Variants in ABCB10 observed in about 807,000 individuals in gnomAD.
ABCB10 encodes the protein ATP-binding cassette sub-family B member 10, mitochondrial.
Under a neutral mutation model 65.4 loss-of-function variants are expected in ABCB10, and 54 were observed. That is an observed-to-expected ratio of 0.83 (90% CI 0.66 to 1.04). The LOEUF is 1.04. Among genes scored for constraint, ABCB10 ranks in the 50% least tolerant of loss-of-function variants. ABCB10 has a pLI of 0.00. For synonymous variants in ABCB10, 418 were observed against 406.5 expected (o/e 1.03, Z -0.34); for missense variants, 846 against 976.6 (o/e 0.87, Z 1.78).
chr1:229,533,457 T>C (rs1035525890), intron 6 of ABCB10, among the ~76,000 whole-genome samples: 5 of 152,160 alleles, frequency 3.3e-5, no homozygotes, highest in African/African-American at 1.2e-4. Flanking sequence ...CCAAATGCAA[T>C]GGTCTACATC....
chr1:229,529,442 G>C (rs369858892), intron 8 of ABCB10, among the ~76,000 whole-genome samples: 1 of 149,922 alleles, frequency 6.7e-6, no homozygotes, highest in East Asian at 2.0e-4. Flanking sequence ...AGGCCAAGGC[G>C]GGTGGATCAC....
intron 10 of ABCB10, among the ~76,000 whole-genome samples, 157 bp from the exon 11 acceptor site, chr1:229,521,792 A>G (rs1478949233): frequency 2.0e-5 from 3 of 152,242 alleles, no homozygotes; most frequent in Non-Finnish European, 4.4e-5. Context: ...ATAGGTTTAA[A>G]ATATATCAAT....
intron 6 of ABCB10, among the ~76,000 whole-genome samples, chr1:229,538,074 C>T (rs1245159703): frequency 6.6e-6 from 1 of 152,276 alleles, no homozygotes; most frequent in Non-Finnish European, 1.5e-5. Flanking sequence ...GTTAAGAAAG[C>T]CAAATTACCC....
intron 1 of ABCB10, among the ~76,000 whole-genome samples, chr1:229,556,218 C>T (rs949138827): frequency 6.6e-6 from 1 of 152,032 alleles, no homozygotes; most frequent in Non-Finnish European, 1.5e-5. Context: ...TCCAAAAATA[C>T]AAAATTAGCC....
At chr1:229,535,661 T>A (rs1416092864) in intron 6 of ABCB10, among the ~76,000 whole-genome samples, 2 of 152,106 alleles carry the variant, frequency 1.3e-5, no homozygotes, top group Non-Finnish European at 2.9e-5. Flanking sequence ...CCATAGAATG[T>A]ACAACACCAA....
rs200978146 is a variant in ABCB10 at position 229,530,272 on chromosome 1, T to G, written c.1572A>C (p.Ala524=). 2.3e-4 allele frequency: 364 copies of G among 1,614,148 alleles called. No individual in the cohort carries two copies. Among genetic ancestry groups the G allele is most frequent in the Non-Finnish European group, 2.8e-4 (327 of 1,180,026 alleles). ...TGCCAGAACCACTTGGGCCAACCAG[T>G]GCCGTGACAGATCCTGACGGAATGG... ...SLSIPSGSVT[A]LVGPSGSGKS... Residue 524 remains alanine, a synonymous_variant, in exon 8 of 13, where the codon GCA becomes GCC. Coordinates refer to ENST00000344517, the MANE Select transcript of ABCB10 (RefSeq NM_012089.3).
chr1:229,531,561 G>T, intron 7 of ABCB10, 75 bp downstream of exon 7: 1 of 1,415,474 alleles, frequency 7.1e-7, no homozygotes, highest in Non-Finnish European at 9.9e-7. Context: ...CTCCCTTGCA[G>T]ACAGGGGAAG....
intron 4 of ABCB10, 119 bp downstream of exon 4, chr1:229,542,114 TAATG>T: frequency 7.8e-7 from 1 of 1,285,866 alleles, no homozygotes; most frequent in South Asian, 1.7e-5. Flanking sequence ...GGGTAATTTC[TAATG>T]AAAGGAAAGG....
rs139709313 is a variant in ABCB10 at position 229,549,823 on chromosome 1, T to C, written c.518-389A>G. 5.3e-3 allele frequency: 1,120 copies of C among 211,486 alleles called. 5 individuals carry two copies. The highest frequency in any genetic ancestry group is 8.2e-3 in the Non-Finnish European group (841 of 103,122). 13.1% of individuals were successfully genotyped at this position (211,486 alleles called of 1,614,324 possible). ...ATTCATGCTATACATGCTATACTCC[T>C]TGGCATCTAACTATATTGTAACTTG... On this transcript the variant is annotated intron_variant, in intron 1 of 12. Transcript: ENST00000344517.
At chr1:229,558,097 AG>A in intron 1 of ABCB10, 38 bp downstream of exon 1, 1 of 1,318,868 alleles carries the variant, frequency 7.6e-7, no homozygotes, top group Non-Finnish European at 9.7e-7. Flanking sequence ...GTGGAGAAGG[AG>A]AGGCCCGGCG....
Position 229,520,543 on chromosome 1 carries a change from T to C in ABCB10, c.1950+1049A>G, listed in dbSNP as rs552682362. On this transcript the variant is annotated intron_variant, in intron 11 of 12. Coordinates refer to ENST00000344517, the MANE Select transcript of ABCB10 (RefSeq NM_012089.3). ...AAAAAAAAAAGAGACTAATCTGATG[T>C]AGATAAAACATTACAAGTCCAGCTT... Among the ~76,000 whole-genome samples the C allele has an allele frequency of 6.1e-5, 9 of 146,558 alleles. No homozygotes were observed. In the South Asian group the frequency reaches 6.4e-4, roughly 10 times the overall value.
rs35004821 is a variant in ABCB10 at position 229,544,416 on chromosome 1, C to CA, written c.922-2046dup. Among the ~76,000 whole-genome samples the CA allele has an allele frequency of 6.5e-3, 397 of 60,668 alleles. 1 individual carries two copies. The highest frequency in any genetic ancestry group is 8.3e-3 in the South Asian group (11 of 1,322). 39.8% of individuals were successfully genotyped at this position (60,668 alleles called of 152,430 possible). ...TAGGCAACAGGGTGAGACCTTCTCT[C>CA]AAAAAAAAAAAAAAAAAAAAAAAAA... On this transcript the variant is annotated intron_variant, in intron 3 of 12. Coordinates refer to ENST00000344517, the MANE Select transcript of ABCB10 (RefSeq NM_012089.3).
At chr1:229,556,651 G>A (rs1349347999) in intron 1 of ABCB10, among the ~76,000 whole-genome samples, 1 of 152,236 alleles carries the variant, frequency 6.6e-6, no homozygotes, top group Non-Finnish European at 1.5e-5. Flanking sequence ...GACTGGGCAC[G>A]TGTAGGCCAC....
chr1:229,530,302 G>T lies in ABCB10; in HGVS notation c.1542C>A (p.Ser514Arg). 6.2e-7 allele frequency: 1 copy of T among 1,614,170 alleles called. No homozygotes were observed. Among genetic ancestry groups the T allele is most frequent in the Non-Finnish European group, 8.5e-7 (1 of 1,180,032 alleles). Reference protein sequence around the residue: ...RPEVPIFQDFSLSIPSGSVTA... With the variant: ...RPEVPIFQDFRLSIPSGSVTA... Reference sequence around the variant, plus strand: ...TGACAGATCCTGACGGAATGGAAAGGCTGAAATCCTGAAATATGGGCACCT... The same window carrying T: ...TGACAGATCCTGACGGAATGGAAAGTCTGAAATCCTGAAATATGGGCACCT... The change falls in exon 8 of 13, where the codon AGC (serine) becomes AGA (arginine). Residue 514 changes from serine to arginine, a missense_variant. Coordinates refer to ENST00000344517, the MANE Select transcript of ABCB10 (RefSeq NM_012089.3).
rs1050470313 is a variant in ABCB10 at position 229,546,595 on chromosome 1, G to C, written c.921+904C>G. On this transcript the variant is annotated intron_variant, in intron 3 of 12. Transcript: ENST00000344517. ...CATTATTAAAATTAATCTCAGCCAG[G>C]TACAGTGGCTCAAGCCTGTAATCCC... is the stretch of plus-strand genomic sequence containing the variant. 5.3e-5 allele frequency among the ~76,000 whole-genome samples: 8 copies of C among 152,170 alleles called. No homozygotes were observed. The East Asian group carries it at 1.2e-3, about 22-fold the overall frequency.
At chr1:229,530,105 A>C in intron 8 of ABCB10, 94 bp downstream of exon 8, 1 of 1,205,034 alleles carries the variant, frequency 8.3e-7, no homozygotes. Flanking sequence ...CTACAAAATA[A>C]GGTATTTGCA....
intron 1 of ABCB10, among the ~76,000 whole-genome samples, chr1:229,557,847 A>G (rs1009551000): frequency 6.6e-5 from 10 of 152,186 alleles, no homozygotes; most frequent in African/African-American, 2.4e-4. Flanking sequence ...AGATGCTCCC[A>G]CTAAGTTGGT....
Position 229,540,670 on chromosome 1 carries a change from T to G in ABCB10, c.1139A>C (p.Lys380Thr). ...EMTEIEKYAS[K>T]VDHVMQLARK... ...TGCTAACTGCATTACATGGTCCACT[T>G]TGCTGGCATATTTCTCGATTTCAGT... Residue 380 changes from lysine to threonine, a missense_variant, in exon 5 of 13, where the codon AAA (lysine) becomes ACA (threonine). By Grantham distance (78) the Lys-to-Thr change is moderately conservative (BLOSUM62 -1). Coordinates refer to ENST00000344517, the MANE Select transcript of ABCB10 (RefSeq NM_012089.3). 1 of 1,613,024 alleles carries G rather than the reference T, an allele frequency of 6.2e-7. No homozygotes were observed. Among genetic ancestry groups the G allele is most frequent in the South Asian group, 1.1e-5 (1 of 91,032 alleles).
In ABCB10 at chr1:229,527,331, A is replaced by C. The variant is rs769168192; in HGVS notation, c.1646-23T>G. Reference sequence around the variant, plus strand: ...TTCCTTGTTGAGAGGAAAGGAAAGGAAAGAGTCACTGAGTGTGATGAGGCT... The same window carrying C: ...TTCCTTGTTGAGAGGAAAGGAAAGGCAAGAGTCACTGAGTGTGATGAGGCT... On this transcript the variant is annotated intron_variant, in intron 8 of 12. Coordinates refer to ENST00000344517, the MANE Select transcript of ABCB10 (RefSeq NM_012089.3). 53 of 616,442 alleles carry C rather than the reference A, an allele frequency of 8.6e-5. No individual in the cohort carries two copies. The African/African-American group carries it at 1.0e-3, about 12-fold the overall frequency. 38.2% of individuals were successfully genotyped at this position (616,442 alleles called of 1,614,324 possible).
Sources: allele counts gnomAD v4.1 joint callset (sites outside exome capture counted in the v4.1 genomes callset), GRCh38; gene constraint gnomAD v4.1.1; transcripts MANE v1.5; gene names NCBI Gene and HGNC (gene_info 2026-07-23, HGNC 2026-07-21).